Variants in CCDC138 observed in about 807,000 individuals in gnomAD.
CCDC138 encodes coiled-coil domain containing 138.
A neutral mutation model predicts 82.3 loss-of-function variants in CCDC138; 66 were observed. That is an observed-to-expected ratio of 0.80 (90% confidence interval 0.66 to 0.98). The LOEUF (loss-of-function observed/expected upper bound fraction) is 0.98. CCDC138 is among the 50% of genes least tolerant of loss of function. The pLI is 0.00. For missense variants in CCDC138, 816 were observed against 758.9 expected (o/e 1.08, Z -0.88); for synonymous variants, 297 against 265.4 (o/e 1.12, Z -1.16).
At chr2:108,845,139 C>T (rs558920601) in intron 11 of CCDC138, among the ~76,000 whole-genome samples, 1 of 152,184 alleles carries the variant, frequency 6.6e-6, no homozygotes, top group East Asian at 1.9e-4. Context: ...TACCTTAATC[C>T]TGTCATTTAA....
At chr2:108,838,429 A>T (rs1274512135) in intron 10 of CCDC138, among the ~76,000 whole-genome samples, 1 of 152,194 alleles carries the variant, frequency 6.6e-6, no homozygotes, top group African/African-American at 2.4e-5. Flanking sequence ...CTATACAATT[A>T]TTTCCAGGTT....
At chr2:108,864,049 A>G (rs1694030639) in intron 13 of CCDC138, among the ~76,000 whole-genome samples, 1 of 152,192 alleles carries the variant, frequency 6.6e-6, no homozygotes, top group Admixed American at 6.5e-5. Context: ...GTGTAACACT[A>G]GACAATAATA....
At chr2:108,787,290 A>G (rs1357636045) in intron 1 of CCDC138, among the ~76,000 whole-genome samples, 1 of 152,220 alleles carries the variant, frequency 6.6e-6, no homozygotes, top group Non-Finnish European at 1.5e-5. Flanking sequence ...AGTATTACCA[A>G]GAATTCCCTT....
chr2:108,822,096 G>A (rs1685800041), intron 10 of CCDC138, among the ~76,000 whole-genome samples: 1 of 152,062 alleles, frequency 6.6e-6, no homozygotes, highest in Non-Finnish European at 1.5e-5. Context: ...CGTATCAGCT[G>A]AAAATGAAAG....
chr2:108,854,487 C>T (rs1397097861), intron 12 of CCDC138, among the ~76,000 whole-genome samples: 1 of 152,090 alleles, frequency 6.6e-6, no homozygotes, highest in Non-Finnish European at 1.5e-5. Context: ...TCTTTAGCTA[C>T]TATTGTTATC....
At chr2:108,852,099 T>A (rs1182121404) in intron 12 of CCDC138, among the ~76,000 whole-genome samples, 1 of 152,172 alleles carries the variant, frequency 6.6e-6, no homozygotes, top group Non-Finnish European at 1.5e-5. Flanking sequence ...GGCCGAGCAC[T>A]TTATATATAT....
At position 108,872,214 on chromosome 2, in the gene CCDC138, T is replaced by C. The variant is rs575933666; in HGVS notation, c.1694-1237T>C. 1.6e-3 allele frequency among the ~76,000 whole-genome samples: 239 copies of C among 152,232 alleles called. 1 individual carries two copies. Among genetic ancestry groups the C allele is most frequent in the African/African-American group, 5.4e-3 (224 of 41,552 alleles). On this transcript the variant is annotated intron_variant, in intron 13 of 14. Transcript: ENST00000295124. Reference sequence around the variant, plus strand: ...CAGAGAAGAGTCTGATCATTTTCTCTTCTTCCCTCCTTCTCCTCCTCCCCC... The same window carrying C: ...CAGAGAAGAGTCTGATCATTTTCTCCTCTTCCCTCCTTCTCCTCCTCCCCC...
intron 13 of CCDC138, among the ~76,000 whole-genome samples, chr2:108,860,029 G>A (rs1032085090): frequency 6.6e-6 from 1 of 152,050 alleles, no homozygotes; most frequent in Non-Finnish European, 1.5e-5. Flanking sequence ...TTCCTGGTTA[G>A]ATGTATTCCT....
intron 7 of CCDC138, among the ~76,000 whole-genome samples, chr2:108,808,632 A>G (rs1683254215): frequency 6.6e-6 from 1 of 152,128 alleles, no homozygotes; most frequent in Non-Finnish European, 1.5e-5. Context: ...ATTTTTTCAT[A>G]TACCTGTTGG....
At chr2:108,852,714 A>G (rs559918480) in intron 12 of CCDC138, among the ~76,000 whole-genome samples, 1 of 152,150 alleles carries the variant, frequency 6.6e-6, no homozygotes, top group African/African-American at 2.4e-5. Context: ...GAACACATGG[A>G]TACATAAGGG....
intron 10 of CCDC138, among the ~76,000 whole-genome samples, chr2:108,819,749 CA>C (rs1003394883): frequency 4.6e-5 from 7 of 152,044 alleles, no homozygotes; most frequent in African/African-American, 1.7e-4. Context: ...TCTGTTTTTT[CA>C]AATGCCCAAA....
At chr2:108,880,017 G>T (rs959325970), downstream of CCDC138, among the ~76,000 whole-genome samples, 3 of 152,124 alleles carry the variant, frequency 2.0e-5, no homozygotes, top group African/African-American at 7.2e-5. Context: ...GGTTGAGCTG[G>T]TGGCAAAGTA....
In CCDC138 at chr2:108,832,127, TCAAG is replaced by T. The variant is rs556489518; in HGVS notation, c.1207-7055_1207-7052del. Among the ~76,000 whole-genome samples, 20 of 152,082 alleles carry T rather than the reference TCAAG, an allele frequency of 1.3e-4. No individual in the cohort carries two copies. In the South Asian group the frequency reaches 4.2e-3, roughly 32 times the overall value. ...TCCCTTCAACCTCCGCCTCCTGGGT[TCAAG>T]CAGTTCTTCTGCCTCAGCCTCCCTA... On this transcript the variant is annotated intron_variant, in intron 10 of 14. Coordinates refer to ENST00000295124, the MANE Select transcript of CCDC138 (RefSeq NM_144978.3).
At chr2:108,847,021 T>G in intron 12 of CCDC138, 91 bp downstream of exon 12, 1 of 752,638 alleles carries the variant, frequency 1.3e-6, no homozygotes, top group South Asian at 1.8e-5. Context: ...ATGTTGTACA[T>G]TTTCAGAATG....
chr2:108,876,579 C>A (rs1405937873), downstream of CCDC138: 1 of 166,964 alleles, frequency 6.0e-6, no homozygotes, highest in African/African-American at 2.4e-5. Flanking sequence ...TATGTGAGAA[C>A]AGGGTTAAAT....
At chr2:108,821,195 TA>T (rs1345985015) in intron 10 of CCDC138, among the ~76,000 whole-genome samples, 1 of 152,076 alleles carries the variant, frequency 6.6e-6, no homozygotes, top group Non-Finnish European at 1.5e-5. Context: ...CCATCTCTAC[TA>T]AAAGTATAAA....
intron 14 of CCDC138, among the ~76,000 whole-genome samples, chr2:108,873,951 T>C (rs1695648297): frequency 6.6e-6 from 1 of 152,098 alleles, no homozygotes; most frequent in African/African-American, 2.4e-5. Context: ...AAAATTAAGA[T>C]TCATAAATAC....
chr2:108,855,946 G>GT (rs907057685), intron 12 of CCDC138, among the ~76,000 whole-genome samples: 6 of 151,924 alleles, frequency 3.9e-5, no homozygotes, highest in Admixed American at 2.0e-4. Flanking sequence ...AGCATGAACG[G>GT]TTTTTTTTCC....
intron 3 of CCDC138, among the ~76,000 whole-genome samples, chr2:108,790,781 G>A (rs111734609): frequency 1.0e-3 from 155 of 152,176 alleles, no homozygotes; most frequent in African/African-American, 3.5e-3. Context: ...TGCAGGGGGC[G>A]AGCCTGTTGC....
Sources: gnomAD v4.1 joint callset for allele counts (sites outside exome capture counted in the v4.1 genomes callset) on GRCh38, gnomAD v4.1.1 for gene constraint, MANE v1.5 for transcripts, NCBI Gene and HGNC (gene_info 2026-07-23, HGNC 2026-07-21) for gene names.